FYN: variants seen among roughly 807,000 people sequenced by gnomAD.
FYN encodes the protein FYN proto-oncogene, Src family tyrosine kinase, also known as tyrosine-protein kinase Fyn.
FYN carries 10 observed loss-of-function variants against 70.2 expected under a neutral mutation model. The observed-to-expected ratio is 0.14, with a 90% CI of 0.09 to 0.24. The LOEUF (loss-of-function observed/expected upper bound fraction) is 0.24. FYN is among the 10% of genes least tolerant of loss of function. The pLI is 1.00. For synonymous variants in FYN, 236 were observed against 248.6 expected, an observed-to-expected ratio of 0.95 and a Z score of 0.48; for missense variants, 319 against 673.1, an observed-to-expected ratio of 0.47 and a Z score of 5.82.
At chr6:111,751,527 T>C (rs1453857690) in intron 3 of FYN, among the ~76,000 whole-genome samples, 1 of 152,112 alleles carries the variant, frequency 6.6e-6, no homozygotes, top group East Asian at 1.9e-4. Context: ...GAATTCTGAG[T>C]TTTAGAGTTG....
chr6:111,695,001 C>T (rs980957034), intron 10 of FYN, among the ~76,000 whole-genome samples: 1 of 152,118 alleles, frequency 6.6e-6, no homozygotes, highest in Non-Finnish European at 1.5e-5. Flanking sequence ...AAAGAGGAAC[C>T]TATGAAGAAC....
intron 3 of FYN, among the ~76,000 whole-genome samples, chr6:111,764,215 G>GAAAAAAAAAAAA (rs1803120521): frequency 3.2e-4 from 1 of 3,162 alleles, no homozygotes; most frequent in African/African-American, 1.8e-3. Context: ...ATTTTGTCAA[G>GAAAAAAAAAAAA]CAAAAAAAAA....
At chr6:111,687,251 G>C (rs1799047756) in intron 12 of FYN, among the ~76,000 whole-genome samples, 1 of 152,116 alleles carries the variant, frequency 6.6e-6, no homozygotes, top group Non-Finnish European at 1.5e-5. Flanking sequence ...ATTTATACTT[G>C]AATTTTCCTC....
chr6:111,670,276 C>T (rs1395278889), intron 13 of FYN, among the ~76,000 whole-genome samples: 1 of 152,186 alleles, frequency 6.6e-6, no homozygotes, highest in African/African-American at 2.4e-5. Flanking sequence ...AGGGTCTCTG[C>T]ACTCTCCCTT....
chr6:111,804,949 G>C (rs1772102220), intron 2 of FYN, among the ~76,000 whole-genome samples: 2 of 152,054 alleles, frequency 1.3e-5, no homozygotes, highest in Non-Finnish European at 2.9e-5. Context: ...TACACCAGGT[G>C]ATTCTTATGT....
intron 3 of FYN, among the ~76,000 whole-genome samples, chr6:111,773,456 A>AAAGG (rs1367923088): frequency 1.6e-4 from 11 of 68,156 alleles, no homozygotes; most frequent in African/African-American, 5.6e-4. Context: ...AGGGAGAGGG[A>AAAGG]GAGAGTGGGA....
intron 1 of FYN, among the ~76,000 whole-genome samples, chr6:111,861,710 G>A (rs914764053): frequency 6.6e-6 from 1 of 152,210 alleles, no homozygotes; most frequent in Admixed American, 6.5e-5. Context: ...ACAGGCAGCT[G>A]AGAAGGCTCT....
intron 1 of FYN, among the ~76,000 whole-genome samples, chr6:111,869,252 G>A (rs1774202006): frequency 6.6e-6 from 1 of 152,250 alleles, no homozygotes. Context: ...GAGTGACAGA[G>A]GAGACCCATG....
chr6:111,676,927 A>G (rs1378624492), intron 12 of FYN, among the ~76,000 whole-genome samples: 2 of 152,220 alleles, frequency 1.3e-5, no homozygotes, highest in African/African-American at 4.8e-5. Flanking sequence ...CAACGGCAAT[A>G]TCAGCCAGTT....
chr6:111,839,666 G>A (rs909828116), intron 2 of FYN, among the ~76,000 whole-genome samples: 1 of 152,136 alleles, frequency 6.6e-6, no homozygotes, highest in African/African-American at 2.4e-5. Flanking sequence ...CCAGAATGAC[G>A]GGATTCCTGA....
chr6:111,707,617 A>G (rs1034020682), intron 6 of FYN, among the ~76,000 whole-genome samples: 1 of 152,216 alleles, frequency 6.6e-6, no homozygotes, highest in Non-Finnish European at 1.5e-5. Flanking sequence ...GCAATAATAT[A>G]TGCTCTAGCT....
intron 5 of FYN, among the ~76,000 whole-genome samples, chr6:111,713,113 G>A (rs1429950732): frequency 2.0e-5 from 3 of 152,134 alleles, no homozygotes; most frequent in Non-Finnish European, 4.4e-5. Context: ...CTGATGTCTC[G>A]AAGAGAGTCG....
chr6:111,669,586 C>T (rs1798173492), intron 13 of FYN, among the ~76,000 whole-genome samples: 3 of 152,010 alleles, frequency 2.0e-5, no homozygotes, highest in Admixed American at 1.3e-4. Context: ...TTGAAATGAT[C>T]ACAGGGTCAA....
intron 3 of FYN, among the ~76,000 whole-genome samples, chr6:111,771,246 T>A (rs998344827): frequency 5.3e-4 from 81 of 151,994 alleles, no homozygotes; most frequent in African/African-American, 1.8e-3. Flanking sequence ...GTTAACACAG[T>A]TAAAGACACA....
intron 12 of FYN, among the ~76,000 whole-genome samples, chr6:111,690,996 T>C (rs1799290551): frequency 6.6e-6 from 1 of 152,210 alleles, no homozygotes; most frequent in Admixed American, 6.5e-5. Context: ...GAGACTCTGA[T>C]TGGGCAGAAT....
chr6:111,797,851 C>T (rs1395593459), intron 2 of FYN, among the ~76,000 whole-genome samples: 1 of 151,952 alleles, frequency 6.6e-6, no homozygotes, highest in Non-Finnish European at 1.5e-5. Flanking sequence ...CAACCTCCGC[C>T]TCCCAGGTGC....
intron 1 of FYN, among the ~76,000 whole-genome samples, chr6:111,864,561 G>GGAT (rs10670578): frequency 0.34 from 51,770 of 151,510 alleles, 13,008 homozygotes; most frequent in African/African-American, 0.72. Flanking sequence ...GCTATGATGA[G>GGAT]GATGATGATG....
In FYN at chr6:111,799,845, C is replaced by A. The variant is rs538202046; in HGVS notation, c.-81-19210G>T. 3.3e-4 allele frequency among the ~76,000 whole-genome samples: 50 copies of A among 152,264 alleles called. 1 individual carries two copies. Among genetic ancestry groups the A allele is most frequent in the African/African-American group, 1.2e-3 (50 of 41,548 alleles). On this transcript the variant is annotated intron_variant, in intron 2 of 13. Coordinates refer to ENST00000354650, the MANE Select transcript of FYN (RefSeq NM_002037.5). ...TTGTCCACCCTTGTTATGTGGGAGT[C>A]CCGCACACGCCAGCTCCCCTGTGGA...
At chr6:111,678,209 T>C (rs913878723) in intron 12 of FYN, among the ~76,000 whole-genome samples, 3 of 151,300 alleles carry the variant, frequency 2.0e-5, no homozygotes, top group African/African-American at 7.3e-5. Context: ...ATTTGCAAAT[T>C]TTACCAAACT....
Sources: gnomAD v4.1 joint callset for allele counts (sites outside exome capture counted in the v4.1 genomes callset) on GRCh38, gnomAD v4.1.1 for gene constraint, MANE v1.5 for transcripts, NCBI Gene and HGNC (gene_info 2026-07-23, HGNC 2026-07-21) for gene names.